VPS51: variants seen among roughly 807,000 people sequenced by gnomAD.
VPS51 encodes the protein vacuolar protein sorting-associated protein 51 homolog.
In VPS51, 55 loss-of-function variants were observed where a neutral mutation model predicts 65.1. The ratio of observed to expected loss-of-function variants is 0.84; its 90% CI spans 0.68 to 1.06. The LOEUF is 1.06. Ranked by LOEUF, VPS51 falls within the 50% of genes least tolerant of loss-of-function variation. The pLI, the probability that VPS51 is intolerant of heterozygous loss-of-function variation, is 0.00. For synonymous variants in VPS51, 473 were observed against 489.5 expected, an observed-to-expected ratio of 0.97 and a Z score of 0.44; for missense variants, 943 against 1,101.6, an observed-to-expected ratio of 0.86 and a Z score of 2.04.
In VPS51 at chr11:65,096,493, GGA is replaced by G; in HGVS notation, c.228+17_228+18del. ...ACCTAGACAAGGTGTGTGCGCACGG[GGA>G]GTGGGGGGGTGCGGGGAGGGGGGAA... On this transcript the variant is annotated intron_variant, in intron 1 of 9. Coordinates refer to ENST00000279281, the MANE Select transcript of VPS51 (RefSeq NM_013265.4). The G allele has an allele frequency of 7.0e-7, 1 of 1,433,042 alleles. No individual in the cohort carries two copies. The highest frequency in any genetic ancestry group is 9.2e-7 in the Non-Finnish European group (1 of 1,081,924). The allele number at this position is 1,433,042 out of a possible 1,614,324, so 88.8% of individuals were successfully genotyped here. A position where few individuals can be genotyped will look rare whatever the true frequency, so the allele number is the denominator to read the frequency against.
At position 65,111,166 on chromosome 11, in the gene VPS51, G is replaced by A. The variant is rs756373163; in HGVS notation, c.2089-161G>A. Reference sequence around the variant, plus strand: ...ACCTGTCCCCTGCCCTCCAGATGACGGCGCTAATATTGTATCCCTCCCTTC... The same window carrying A: ...ACCTGTCCCCTGCCCTCCAGATGACAGCGCTAATATTGTATCCCTCCCTTC... On this transcript the variant is annotated intron_variant, in intron 9 of 9. Transcript: ENST00000279281. 3.7e-6 allele frequency: 4 copies of A among 1,093,718 alleles called. No individual in the cohort carries two copies. The African/African-American group carries it at 6.2e-5, about 17-fold the overall frequency. The allele number at this position is 1,093,718 out of a possible 1,614,324, so 67.8% of individuals were successfully genotyped here. A position where few individuals can be genotyped will look rare whatever the true frequency, so the allele number is the denominator to read the frequency against.
At position 65,107,401 on chromosome 11, in the gene VPS51, AC is replaced by A. The variant is rs1947849310; in HGVS notation, c.359-175del. Reference sequence around the variant, plus strand: ...AGTAACGCCTGCTTTGGGAACATAAACCCCCTCCCCCGCCCCCATGTGCGCT... The same window carrying A: ...AGTAACGCCTGCTTTGGGAACATAAACCCCTCCCCCGCCCCCATGTGCGCT... On this transcript the variant is annotated intron_variant, in intron 2 of 9. Coordinates refer to ENST00000279281, the MANE Select transcript of VPS51 (RefSeq NM_013265.4). The surrounding 1 kb of genome is among the most constrained non-coding windows in gnomAD (Gnocchi z 4.0). The A allele has an allele frequency of 1.4e-6, 1 of 704,088 alleles. No homozygotes were observed. The highest frequency in any genetic ancestry group is 2.4e-6 in the Non-Finnish European group (1 of 424,006). 43.6% of individuals were successfully genotyped at this position (704,088 alleles called of 1,614,324 possible).
chr11:65,108,542 G>A lies in VPS51; in HGVS notation c.1071G>A (p.Ala357=). Residue 357 remains alanine, a synonymous_variant, in exon 5 of 10, where the codon GCG becomes GCA. Transcript: ENST00000279281. Reference sequence around the variant, plus strand: ...TTGCGCTGGTGGAGCGGCGGCTGGCGCAGGAGCAGGGTGGTGGTGACAACT... The same window carrying A: ...TTGCGCTGGTGGAGCGGCGGCTGGCACAGGAGCAGGGTGGTGGTGACAACT... ...RYFALVERRL[A]QEQGGGDNSL... 1 of 1,576,650 alleles carries A rather than the reference G, an allele frequency of 6.3e-7. No homozygotes were observed. The highest frequency in any genetic ancestry group is 1.3e-5 in the African/African-American group (1 of 74,628).
intron 2 of VPS51, among the ~76,000 whole-genome samples, chr11:65,097,725 C>T (rs903887495): frequency 1.3e-5 from 2 of 152,080 alleles, no homozygotes; most frequent in African/African-American, 2.4e-5. Flanking sequence ...GACAAGATGG[C>T]GTATGCCTGT....
At chr11:65,109,197 C>A in intron 5 of VPS51, 83 bp from the exon 6 acceptor site, 1 of 1,430,654 alleles carries the variant, frequency 7.0e-7, no homozygotes. Context: ...GGGGCTGGGG[C>A]ACTTAGAGCC....
chr11:65,108,140 C>T (rs1947856662), intron 4 of VPS51, 57 bp from the exon 5 acceptor site: 2 of 1,573,140 alleles, frequency 1.3e-6, no homozygotes, highest in Non-Finnish European at 1.7e-6. Flanking sequence ...CTTTCCTGCT[C>T]CTGCCCCATC....
rs374731060 is a variant in VPS51, at chr11:65,108,688, G to A, written c.1217G>A (p.Arg406His). 1.4e-5 allele frequency: 22 copies of A among 1,593,720 alleles called. No homozygotes were observed. The highest frequency in any genetic ancestry group is 3.5e-5 in the Admixed American group (2 of 57,582). The change falls in exon 5 of 10, where the codon CGC (arginine) becomes CAC (histidine). Residue 406 changes from arginine to histidine, a missense_variant. By Grantham distance (29) the Arg-to-His change is conservative (BLOSUM62 0). Coordinates refer to ENST00000279281, the MANE Select transcript of VPS51 (RefSeq NM_013265.4). ...TEIVERVARE[R>H]LGHHLQGLRA... ...ATCGTGGAACGAGTGGCCCGCGAGC[G>A]CCTGGGCCACCACCTGCAGGGTCTC...
chr11:65,105,848 A>C (rs1947838227), intron 2 of VPS51, among the ~76,000 whole-genome samples: 2 of 152,196 alleles, frequency 1.3e-5, no homozygotes. Context: ...AGGATAACAC[A>C]TTTACCAGTT....
At position 65,097,067 on chromosome 11, in the gene VPS51, C is replaced by T; in HGVS notation, c.298C>T (p.Leu100=). The change falls in exon 2 of 10, where the codon CTA becomes TTA. Residue 100 remains leucine, a synonymous_variant. Coordinates refer to ENST00000279281, the MANE Select transcript of VPS51 (RefSeq NM_013265.4). ...GGACATGGTGCGGCAGATCCGGGCT[C>T]TAGACAGCGACATGCAGACCCTGGT... ...ETDMVRQIRA[L]DSDMQTLVYE... is the part of the protein sequence containing the mutation. The T allele has an allele frequency of 6.2e-7, 1 of 1,613,996 alleles. No individual in the cohort carries two copies. Among genetic ancestry groups the T allele is most frequent in the Non-Finnish European group, 8.5e-7 (1 of 1,180,012 alleles).
At chr11:65,104,842 A>G (rs1386622376) in intron 2 of VPS51, among the ~76,000 whole-genome samples, 2 of 152,182 alleles carry the variant, frequency 1.3e-5, no homozygotes, top group African/African-American at 4.8e-5. Context: ...AAGCCGCCGC[A>G]ACACCCCTGG....
At chr11:65,103,901 TG>T (rs1163527972) in intron 2 of VPS51, among the ~76,000 whole-genome samples, 5 of 151,276 alleles carry the variant, frequency 3.3e-5, no homozygotes, top group South Asian at 2.1e-4. Context: ...TGTTTTTTTT[TG>T]TTTTTTTTTT....
rs1947887483 is a variant in VPS51, at chr11:65,110,515, G to A, written c.1912G>A (p.Ala638Thr). The change falls in exon 8 of 10, where the codon GCC becomes ACC. Residue 638 changes from alanine to threonine, a missense_variant. Ala to Thr is a moderately conservative substitution (Grantham distance 58, BLOSUM62 0). This residue lies in a region of VPS51 where 855 missense variants were observed against 953.7 expected (regional missense o/e 0.90). Transcript: ENST00000279281. ...CCTGTACGAAGAGGGTGTTCGCAAGGCCCAGAGCAGCGACTCCAGCAAGAG... is the reference window on the plus strand; with the variant it reads ...CCTGTACGAAGAGGGTGTTCGCAAGACCCAGAGCAGCGACTCCAGCAAGAG... ...GLLYEEGVRKAQSSDSSKRTF... is the reference protein window; with the variant it reads ...GLLYEEGVRKTQSSDSSKRTF... The A allele has an allele frequency of 6.2e-7, 1 of 1,613,952 alleles. No individual in the cohort carries two copies. Among genetic ancestry groups the A allele is most frequent in the South Asian group, 1.1e-5 (1 of 91,090 alleles).
Position 65,108,721 on chromosome 11 carries a change from C to T in VPS51, c.1250C>T (p.Ala417Val). 3 of 1,609,000 alleles carry T rather than the reference C, an allele frequency of 1.9e-6. No homozygotes were observed. Among genetic ancestry groups the T allele is most frequent in the Non-Finnish European group, 2.5e-6 (3 of 1,179,208 alleles). The change falls in exon 5 of 10, where the codon GCC becomes GTC. Residue 417 changes from alanine (A) to valine (V), a missense_variant. Physicochemically the swap from Ala to Val is moderately conservative, Grantham distance 64. Coordinates refer to ENST00000279281, the MANE Select transcript of VPS51 (RefSeq NM_013265.4). The stretch of plus-strand genomic sequence containing the variant: ...CACCACCTGCAGGGTCTCCGGGCGG[C>T]CTTCCTGGGCTGCCTGACAGACGTC... ...LGHHLQGLRA[A>V]FLGCLTDVRQ...
intron 2 of VPS51, among the ~76,000 whole-genome samples, chr11:65,102,017 C>CTTTTTTTTTT (rs990847395): frequency 8.2e-6 from 1 of 121,912 alleles, no homozygotes; most frequent in Non-Finnish European, 1.7e-5. Context: ...TCTTAACAAG[C>CTTTTTTTTTT]TTTTTTTTTT....
chr11:65,109,647 G>T, intron 6 of VPS51, 58 bp from the exon 7 acceptor site: 1 of 1,519,532 alleles, frequency 6.6e-7, no homozygotes, highest in South Asian at 1.3e-5. Context: ...GGTTGGCAGT[G>T]GCCCCTGAGC....
At chr11:65,100,785 A>T (rs1401693587) in intron 2 of VPS51, among the ~76,000 whole-genome samples, 1 of 152,066 alleles carries the variant, frequency 6.6e-6, no homozygotes, top group Admixed American at 6.6e-5. Flanking sequence ...ACCTCAAGTG[A>T]TCCGCTTGCC....
chr11:65,110,362 C>G (rs1214249908), intron 7 of VPS51, 120 bp from the exon 8 acceptor site: 2 of 1,538,206 alleles, frequency 1.3e-6, no homozygotes, highest in Non-Finnish European at 1.8e-6. Context: ...GCGGGCCCCG[C>G]GGTGATTACC....
intron 2 of VPS51, 90 bp downstream of exon 2, chr11:65,097,217 G>C (rs1411090106): frequency 4.5e-6 from 7 of 1,561,952 alleles, no homozygotes; most frequent in Non-Finnish European, 5.2e-6. Flanking sequence ...TTAGAGGGGG[G>C]AGACTCAGAT....
intron 9 of VPS51, 21 bp downstream of exon 9, chr11:65,110,802 C>T: frequency 6.2e-7 from 1 of 1,613,992 alleles, no homozygotes; most frequent in Non-Finnish European, 8.5e-7. Context: ...CAACGTGACT[C>T]AGACTTCCAG....
Sources: gnomAD v4.1 joint callset for allele counts (sites outside exome capture counted in the v4.1 genomes callset) on GRCh38, gnomAD v4.1.1 for gene constraint, gnomAD v4.1.1 regional missense constraint, Gnocchi (gnomAD v3.1) non-coding constraint, MANE v1.5 for transcripts, NCBI Gene and HGNC (gene_info 2026-07-23, HGNC 2026-07-21) for gene names.